Variants in TBC1D22A observed in about 807,000 individuals in gnomAD.
TBC1D22A encodes putative GTPase activator.
TBC1D22A carries 38 observed loss-of-function variants against 60.2 expected under a neutral mutation model. The observed-to-expected ratio is 0.63, with a 90% CI of 0.49 to 0.83. TBC1D22A has a LOEUF of 0.83. TBC1D22A is among the 40% of genes least tolerant of loss of function. TBC1D22A has a pLI of 0.00. For synonymous variants in TBC1D22A, 302 were observed against 281.7 expected, an observed-to-expected ratio of 1.07 and a Z score of -0.72; for missense variants, 628 against 701.0, an observed-to-expected ratio of 0.90 and a Z score of 1.18.
At chr22:47,021,107 G>A (rs2062071593) in intron 10 of TBC1D22A, among the ~76,000 whole-genome samples, 1 of 152,188 alleles carries the variant, frequency 6.6e-6, no homozygotes, top group African/African-American at 2.4e-5. Context: ...CCTGATGGCA[G>A]CTTTGTGAAG....
chr22:47,157,618 C>T (rs1432060715), intron 12 of TBC1D22A, among the ~76,000 whole-genome samples: 5 of 152,316 alleles, frequency 3.3e-5, no homozygotes, highest in South Asian at 4.1e-4. Flanking sequence ...CGCTTCAGAG[C>T]GTGCCGTCGT....
At chr22:46,775,752 A>G (rs907389803) in intron 1 of TBC1D22A, among the ~76,000 whole-genome samples, 4 of 152,210 alleles carry the variant, frequency 2.6e-5, no homozygotes, top group African/African-American at 9.6e-5. Context: ...TAGCTGAGAG[A>G]AAAGGCCACC....
In TBC1D22A at chr22:47,173,483, T is replaced by C. The variant is rs1341050979; in HGVS notation, c.1426-15T>C. 6.2e-7 allele frequency: 1 copy of C among 1,613,602 alleles called. No individual in the cohort carries two copies. Among genetic ancestry groups the C allele is most frequent in the Non-Finnish European group, 8.5e-7 (1 of 1,179,678 alleles). On this transcript the variant is annotated splice_polypyrimidine_tract_variant and intron_variant, in intron 12 of 12. Coordinates refer to ENST00000337137, the MANE Select transcript of TBC1D22A (RefSeq NM_014346.5). ...GGTCACCTCCTCTGACCTGGGCTTG[T>C]CTCTTTCTCCCCAGGAGCTGCTGCT...
Position 46,912,103 on chromosome 22 carries a change from G to A in TBC1D22A, c.930G>A (p.Ala310=), listed in dbSNP as rs745361736. The change falls in exon 8 of 13, where the codon GCG becomes GCA. Residue 310 remains alanine (A), a synonymous_variant. Coordinates refer to ENST00000337137, the MANE Select transcript of TBC1D22A (RefSeq NM_014346.5). The part of the protein sequence containing the change: ...EIFERILFIW[A]IRHPASGYVQ... The stretch of plus-strand genomic sequence containing the variant: ...TTGAAAGGATCTTGTTCATATGGGC[G>A]ATCCGCCACCCAGCCAGTGGATACG... 23 of 1,613,618 alleles carry A rather than the reference G, an allele frequency of 1.4e-5. No homozygotes were observed. The highest frequency in any genetic ancestry group is 3.3e-5 in the Admixed American group (2 of 59,952).
chr22:46,819,891 A>G (rs1034049885), intron 4 of TBC1D22A, among the ~76,000 whole-genome samples: 4 of 152,182 alleles, frequency 2.6e-5, no homozygotes, highest in African/African-American at 7.2e-5. Context: ...TTGGTAGGCT[A>G]TTAATTACTG....
At chr22:46,813,456 T>G (rs2085466189) in intron 4 of TBC1D22A, among the ~76,000 whole-genome samples, 1 of 152,234 alleles carries the variant, frequency 6.6e-6, no homozygotes, top group African/African-American at 2.4e-5. Flanking sequence ...TATTTTTACT[T>G]TAACTTTTTA....
At chr22:47,139,583 G>C (rs369616645) in intron 12 of TBC1D22A, among the ~76,000 whole-genome samples, 13 of 152,360 alleles carry the variant, frequency 8.5e-5, no homozygotes, top group South Asian at 4.1e-4. Flanking sequence ...TCTCATGAGA[G>C]GCTGCTGGAG....
At chr22:46,885,208 G>C (rs2068051401) in intron 5 of TBC1D22A, among the ~76,000 whole-genome samples, 1 of 152,168 alleles carries the variant, frequency 6.6e-6, no homozygotes, top group African/African-American at 2.4e-5. Context: ...GTTGTTGTGT[G>C]TATCTGTGGG....
At chr22:46,929,386 C>A (rs2071223592) in intron 8 of TBC1D22A, among the ~76,000 whole-genome samples, 1 of 152,188 alleles carries the variant, frequency 6.6e-6, no homozygotes, top group Non-Finnish European at 1.5e-5. Flanking sequence ...TATATTCTCA[C>A]CACCATGTGA....
chr22:46,835,218 A>C (rs1323984400), intron 4 of TBC1D22A, among the ~76,000 whole-genome samples: 2 of 152,252 alleles, frequency 1.3e-5, no homozygotes, highest in East Asian at 3.8e-4. Context: ...ACTTAACATG[A>C]AAAGTCAGGG....
chr22:46,986,373 A>G (rs1295253264), intron 9 of TBC1D22A, among the ~76,000 whole-genome samples: 3 of 151,700 alleles, frequency 2.0e-5, no homozygotes, highest in Admixed American at 6.6e-5. Flanking sequence ...GCATTTTTAT[A>G]TAAAGTTTGC....
intron 4 of TBC1D22A, among the ~76,000 whole-genome samples, chr22:46,841,065 T>TGTG (rs1459632047): frequency 6.6e-6 from 1 of 150,708 alleles, no homozygotes; most frequent in East Asian, 1.9e-4. Context: ...TGTGTGTGTG[T>TGTG]GTGTGTGTGA....
chr22:46,874,613 A>AC (rs1348570183), intron 4 of TBC1D22A, among the ~76,000 whole-genome samples: 1 of 107,986 alleles, frequency 9.3e-6, no homozygotes, highest in Non-Finnish European at 1.7e-5. Flanking sequence ...CTTACTCTGC[A>AC]CCCAGGCTGG....
At chr22:46,771,785 G>A (rs1437569698) in intron 1 of TBC1D22A, among the ~76,000 whole-genome samples, 2 of 151,928 alleles carry the variant, frequency 1.3e-5, no homozygotes, top group African/African-American at 2.4e-5. Context: ...AGTAGAGATG[G>A]GGTTTCACCA....
At chr22:47,071,204 C>A (rs1265832605) in intron 11 of TBC1D22A, among the ~76,000 whole-genome samples, 1 of 152,218 alleles carries the variant, frequency 6.6e-6, no homozygotes, top group Admixed American at 6.5e-5. Flanking sequence ...GTATTAAGAG[C>A]CCACATGCGC....
intron 4 of TBC1D22A, among the ~76,000 whole-genome samples, chr22:46,802,844 G>T (rs1047501872): frequency 2.6e-5 from 4 of 151,922 alleles, no homozygotes; most frequent in Admixed American, 2.0e-4. Context: ...GCCGTGGGCT[G>T]GGGATGTGGG....
intron 10 of TBC1D22A, among the ~76,000 whole-genome samples, chr22:47,029,831 C>T (rs1306166193): frequency 6.6e-6 from 1 of 152,244 alleles, no homozygotes; most frequent in Non-Finnish European, 1.5e-5. Context: ...TGAGCGGCCA[C>T]AGTGCTCTGT....
At chr22:46,941,719 C>CGGAATATATATAT (rs1491543853) in intron 8 of TBC1D22A, among the ~76,000 whole-genome samples, 5,035 of 80,174 alleles carry the variant, frequency 0.063, 787 homozygotes, top group African/African-American at 0.16. Context: ...AATATATATA[C>CGGAATATATATAT]GCGGAATGTA....
chr22:46,820,484 A>G (rs961787517), intron 4 of TBC1D22A, among the ~76,000 whole-genome samples: 2 of 152,074 alleles, frequency 1.3e-5, no homozygotes, highest in African/African-American at 2.4e-5. Context: ...CCTTAATTTC[A>G]TTATGTACCC....
Sources: gnomAD v4.1 joint callset for allele counts (sites outside exome capture counted in the v4.1 genomes callset) on GRCh38, gnomAD v4.1.1 for gene constraint, MANE v1.5 for transcripts, NCBI Gene and HGNC (gene_info 2026-07-23, HGNC 2026-07-21) for gene names.